STIM1: variants seen among roughly 807,000 people sequenced by gnomAD.
STIM1 encodes the protein stromal interaction molecule 1.
In STIM1, 25 loss-of-function variants were observed where a neutral mutation model predicts 74.7. That is an observed-to-expected ratio of 0.33 (90% confidence interval 0.24 to 0.47). The LOEUF (loss-of-function observed/expected upper bound fraction) is 0.47, where lower values mean the gene tolerates loss of function less well. Among genes scored for constraint, STIM1 ranks in the 20% least tolerant of loss-of-function variants. The pLI is 1.00. For missense variants in STIM1, 728 were observed against 920.8 expected (o/e 0.79, Z 2.71); for synonymous variants, 328 against 348.8 (o/e 0.94, Z 0.66).
chr11:3,933,034 T>G (rs376723781), intron 1 of STIM1, among the ~76,000 whole-genome samples: 44 of 152,362 alleles, frequency 2.9e-4, no homozygotes, highest in African/African-American at 1.0e-3. Context: ...TTTGTGTCCT[T>G]GGTGTCTCAT....
Position 4,014,163 on chromosome 11 carries a change from T to C in STIM1, c.271-9710T>C, listed in dbSNP as rs536008633. On this transcript the variant is annotated intron_variant, in intron 2 of 12. Coordinates refer to ENST00000526596, the MANE Select transcript of STIM1 (RefSeq NM_001382567.1). ...TGTTAGGGTGTCGATTTTAGATCTT[T>C]TTTGCTTTCTCTTGTGGGCATTTGG... Among the ~76,000 whole-genome samples the C allele has an allele frequency of 4.7e-4, 72 of 152,334 alleles. 2 individuals carry two copies. The highest frequency in any genetic ancestry group is 1.7e-3 in the African/African-American group (69 of 41,578).
chr11:3,895,296 G>C (rs1480104333), intron 1 of STIM1, among the ~76,000 whole-genome samples: 1 of 152,172 alleles, frequency 6.6e-6, no homozygotes, highest in Non-Finnish European at 1.5e-5. Context: ...CCTTCTCCTA[G>C]TGACAGTGCA....
chr11:3,983,237 A>G (rs2093524816), intron 2 of STIM1, among the ~76,000 whole-genome samples: 1 of 152,098 alleles, frequency 6.6e-6, no homozygotes, highest in African/African-American at 2.4e-5. Context: ...CCCTGCCTCT[A>G]TCTCCATTTC....
At chr11:3,862,524 T>TC (rs2090656664) in intron 1 of STIM1, among the ~76,000 whole-genome samples, 1 of 152,176 alleles carries the variant, frequency 6.6e-6, no homozygotes, top group African/African-American at 2.4e-5. Flanking sequence ...CAGGAGGTGC[T>TC]ACCTCTTCTG....
intron 1 of STIM1, among the ~76,000 whole-genome samples, chr11:3,864,920 C>T (rs952019401): frequency 2.6e-5 from 4 of 152,184 alleles, no homozygotes; most frequent in African/African-American, 7.2e-5. Context: ...ATTGCTTTGA[C>T]ATGACCTATC....
intron 3 of STIM1, among the ~76,000 whole-genome samples, chr11:4,030,919 A>G (rs1270970400): frequency 2.0e-5 from 3 of 152,346 alleles, no homozygotes; most frequent in East Asian, 1.9e-4. Context: ...GTTGCAATTG[A>G]CATACAAAAA....
intron 1 of STIM1, among the ~76,000 whole-genome samples, chr11:3,884,282 G>T (rs10835236): frequency 0.24 from 36,239 of 152,064 alleles, 5,477 homozygotes; most frequent in South Asian, 0.4. Context: ...TGGTATTGTG[G>T]GAGTGTTGTA....
chr11:4,084,826 T>C (rs2094483799), intron 11 of STIM1, 61 bp downstream of exon 11: 1 of 1,244,266 alleles, frequency 8.0e-7, no homozygotes, highest in Non-Finnish European at 1.1e-6. Context: ...ATCAACACTC[T>C]TACCCCATGG....
At chr11:4,075,597 A>G (rs973504653) in intron 7 of STIM1, among the ~76,000 whole-genome samples, 5 of 152,148 alleles carry the variant, frequency 3.3e-5, no homozygotes, top group Admixed American at 6.5e-5. Context: ...AATCTATTGT[A>G]TGAGTATACT....
At chr11:4,074,414 C>G in intron 6 of STIM1, 88 bp from the exon 7 acceptor site, 1 of 1,501,842 alleles carries the variant, frequency 6.7e-7, no homozygotes, top group Non-Finnish European at 9.2e-7. Context: ...TTGGAGCTGT[C>G]ATTTTCCTCT....
chr11:4,046,318 G>A (rs2094193323), intron 3 of STIM1, among the ~76,000 whole-genome samples: 1 of 151,966 alleles, frequency 6.6e-6, no homozygotes, highest in South Asian at 2.1e-4. Context: ...TTCTAGTCTG[G>A]GAATTAGAAA....
intron 1 of STIM1, among the ~76,000 whole-genome samples, chr11:3,954,676 G>T (rs1426973680): frequency 2.6e-5 from 4 of 152,174 alleles, no homozygotes; most frequent in Non-Finnish European, 5.9e-5. Flanking sequence ...TGCAGGTTAA[G>T]AAAGAAGTAA....
intron 3 of STIM1, among the ~76,000 whole-genome samples, chr11:4,046,701 G>T (rs1565158926): frequency 6.6e-6 from 1 of 152,230 alleles, no homozygotes; most frequent in Non-Finnish European, 1.5e-5. Flanking sequence ...CCAGGCTGGA[G>T]TGCAATGGTG....
intron 2 of STIM1, among the ~76,000 whole-genome samples, chr11:3,971,299 G>C (rs1033935026): frequency 6.6e-6 from 1 of 151,852 alleles, no homozygotes; most frequent in African/African-American, 2.4e-5. Flanking sequence ...GAAGGCCGAG[G>C]CGGGTGGATC....
intron 2 of STIM1, among the ~76,000 whole-genome samples, chr11:4,010,305 G>A (rs1353966055): frequency 6.6e-6 from 1 of 151,938 alleles, no homozygotes; most frequent in Admixed American, 6.6e-5. Context: ...CAAGTAGCTG[G>A]GATTGCAGGT....
At chr11:4,083,716 G>T (rs2094477563) in intron 10 of STIM1, 2 of 585,788 alleles carry the variant, frequency 3.4e-6, no homozygotes, top group Admixed American at 2.9e-5. Flanking sequence ...TGCCCCTTTG[G>T]GTCTATTGTG....
At chr11:3,916,807 C>T (rs780115256) in intron 1 of STIM1, among the ~76,000 whole-genome samples, 7 of 151,884 alleles carry the variant, frequency 4.6e-5, no homozygotes, top group African/African-American at 7.3e-5. Context: ...AGGCTGTTCT[C>T]GAACTCCTGA....
chr11:4,051,717 GC>G (rs1412664032), intron 3 of STIM1, among the ~76,000 whole-genome samples: 13 of 151,980 alleles, frequency 8.6e-5, no homozygotes, highest in Non-Finnish European at 1.9e-4. Context: ...CGTGATCATG[GC>G]TCTCTGCAGG....
At chr11:4,008,832 G>T (rs181160867) in intron 2 of STIM1, among the ~76,000 whole-genome samples, 233 of 152,254 alleles carry the variant, frequency 1.5e-3, no homozygotes, top group Non-Finnish European at 2.7e-3. Context: ...CACACAGACA[G>T]TAGCCCCAGC....
Sources: gnomAD v4.1 joint callset for allele counts (sites outside exome capture counted in the v4.1 genomes callset) on GRCh38, gnomAD v4.1.1 for gene constraint, MANE v1.5 for transcripts, NCBI Gene and HGNC (gene_info 2026-07-23, HGNC 2026-07-21) for gene names.